Variants in GBE1 observed in about 807,000 individuals in gnomAD.
GBE1 encodes 1,4-alpha-glucan branching enzyme 1.
Under a neutral mutation model 88.8 loss-of-function variants are expected in GBE1, and 70 were observed. The ratio of observed to expected loss-of-function variants is 0.79; its 90% CI spans 0.65 to 0.96. The LOEUF is 0.96. Among genes scored for constraint, GBE1 ranks in the 40% least tolerant of loss-of-function variants. The pLI is 0.00. For missense variants in GBE1, 872 were observed against 871.0 expected (o/e 1.00, Z -0.01); for synonymous variants, 284 against 300.1 (o/e 0.95, Z 0.56).
At chr3:81,673,951 C>T (rs947231530) in intron 2 of GBE1, among the ~76,000 whole-genome samples, 4 of 151,812 alleles carry the variant, frequency 2.6e-5, no homozygotes, top group African/African-American at 9.7e-5. Flanking sequence ...AAATCCAGTA[C>T]ATTAGCCATC....
At chr3:81,615,923 C>T (rs1704242590) in intron 7 of GBE1, among the ~76,000 whole-genome samples, 2 of 152,138 alleles carry the variant, frequency 1.3e-5, no homozygotes, top group South Asian at 2.1e-4. Context: ...TGAATCCTCA[C>T]CAGCATTTGG....
intron 14 of GBE1, among the ~76,000 whole-genome samples, chr3:81,506,262 C>A (rs1251689260): frequency 6.6e-6 from 1 of 152,088 alleles, no homozygotes; most frequent in African/African-American, 2.4e-5. Flanking sequence ...TGAACAGACA[C>A]TTTTCAAAAG....
At chr3:81,648,206 A>C (rs1038980733) in intron 5 of GBE1, among the ~76,000 whole-genome samples, 5 of 152,130 alleles carry the variant, frequency 3.3e-5, no homozygotes, top group Admixed American at 3.3e-4. Flanking sequence ...CCTCCTGCCT[A>C]GTCATTGAAG....
At chr3:81,531,192 G>T (rs918874565) in intron 14 of GBE1, among the ~76,000 whole-genome samples, 1 of 151,820 alleles carries the variant, frequency 6.6e-6, no homozygotes, top group Non-Finnish European at 1.5e-5. Context: ...TTGGTGAATC[G>T]TGCCAGAACT....
intron 7 of GBE1, among the ~76,000 whole-genome samples, chr3:81,634,789 A>T (rs1268864968): frequency 6.6e-6 from 1 of 152,214 alleles, no homozygotes; most frequent in Non-Finnish European, 1.5e-5. Context: ...CAAATGTCAC[A>T]TGGTGGGAAA....
intron 1 of GBE1, among the ~76,000 whole-genome samples, chr3:81,758,197 C>T (rs28553548): frequency 0.12 from 17,977 of 152,170 alleles, 1,277 homozygotes; most frequent in Non-Finnish European, 0.17. Flanking sequence ...AGGAAAAATG[C>T]CCACCGTCTG....
At chr3:81,571,945 T>C (rs999968948) in intron 12 of GBE1, among the ~76,000 whole-genome samples, 4 of 152,214 alleles carry the variant, frequency 2.6e-5, no homozygotes, top group Non-Finnish European at 4.4e-5. Context: ...ACTTGAGAAT[T>C]GACATGGTTA....
chr3:81,562,591 T>C (rs1199160544), intron 12 of GBE1, among the ~76,000 whole-genome samples: 1 of 152,002 alleles, frequency 6.6e-6, no homozygotes, highest in African/African-American at 2.4e-5. Context: ...TTAAATGAGA[T>C]ATTATATGTA....
chr3:81,750,177 A>C (rs1440703450), intron 1 of GBE1, among the ~76,000 whole-genome samples: 1 of 152,192 alleles, frequency 6.6e-6, no homozygotes, highest in Non-Finnish European at 1.5e-5. Flanking sequence ...AAAGTGTCAG[A>C]GTATTTTAAT....
chr3:81,665,902 A>G (rs1289081509), intron 3 of GBE1, among the ~76,000 whole-genome samples: 1 of 152,148 alleles, frequency 6.6e-6, no homozygotes, highest in Non-Finnish European at 1.5e-5. Flanking sequence ...AAAGCATACA[A>G]TTGTTATAAA....
intron 7 of GBE1, among the ~76,000 whole-genome samples, chr3:81,634,843 A>C (rs939859832): frequency 6.6e-6 from 1 of 152,162 alleles, no homozygotes; most frequent in Non-Finnish European, 1.5e-5. Context: ...GCAGGGAAGC[A>C]TGGTAGGGAC....
chr3:81,653,547 A>T (rs149611958), intron 3 of GBE1, among the ~76,000 whole-genome samples: 180 of 152,252 alleles, frequency 1.2e-3, no homozygotes, highest in Admixed American at 3.0e-3. Flanking sequence ...ACTAATTATA[A>T]AAGCTTGCCT....
At chr3:81,687,958 T>C (rs1705463331) in intron 2 of GBE1, among the ~76,000 whole-genome samples, 1 of 152,196 alleles carries the variant, frequency 6.6e-6, no homozygotes, top group Non-Finnish European at 1.5e-5. Flanking sequence ...AGTTTGATAA[T>C]GCTTTCCAAA....
chr3:81,504,992 C>T (rs986765505), intron 14 of GBE1, among the ~76,000 whole-genome samples: 1 of 152,126 alleles, frequency 6.6e-6, no homozygotes, highest in Admixed American at 6.6e-5. Flanking sequence ...ACGACTATAA[C>T]GATGGCAGAG....
intron 2 of GBE1, among the ~76,000 whole-genome samples, chr3:81,682,702 A>C (rs971834096): frequency 2.0e-5 from 3 of 152,210 alleles, no homozygotes; most frequent in Admixed American, 2.0e-4. Context: ...AGTTCCTCAA[A>C]AGCTAAAGAC....
intron 15 of GBE1, among the ~76,000 whole-genome samples, chr3:81,493,348 G>C (rs1453724425): frequency 1.3e-5 from 2 of 152,078 alleles, no homozygotes; most frequent in African/African-American, 2.4e-5. Flanking sequence ...GTCTCTGTTA[G>C]TGCGTGTTAT....
intron 2 of GBE1, among the ~76,000 whole-genome samples, chr3:81,688,781 G>A (rs922485579): frequency 1.3e-5 from 2 of 151,478 alleles, no homozygotes; most frequent in African/African-American, 4.8e-5. Flanking sequence ...GTATTTACTT[G>A]TATTTTAAAA....
intron 14 of GBE1, among the ~76,000 whole-genome samples, chr3:81,532,910 CT>C (rs142671730): frequency 4.3e-4 from 66 of 152,062 alleles, no homozygotes; most frequent in African/African-American, 1.5e-3. Flanking sequence ...GCTTAAAAGT[CT>C]TTGTCTTAAT....
chr3:81,743,504 C>G, intron 1 of GBE1: 1 of 1,198,088 alleles, frequency 8.3e-7, no homozygotes, highest in South Asian at 1.3e-5. Context: ...TCCAACCCCC[C>G]TCTCTTACAG....
Sources: allele counts gnomAD v4.1 joint callset (sites outside exome capture counted in the v4.1 genomes callset), GRCh38; gene constraint gnomAD v4.1.1; transcripts MANE v1.5; gene names NCBI Gene and HGNC (gene_info 2026-07-23, HGNC 2026-07-21).